The following CDKAL1 variants were observed in gnomAD, a reference collection of about 807,000 sequenced individuals.
CDKAL1 encodes the protein CDKAL1 threonylcarbamoyladenosine tRNA methylthiotransferase.
A neutral mutation model predicts 68.2 loss-of-function variants in CDKAL1; 32 were observed. The ratio of observed to expected loss-of-function variants is 0.47; its 90% CI spans 0.35 to 0.63. CDKAL1 has a LOEUF of 0.63. Among genes scored for constraint, CDKAL1 ranks in the 30% least tolerant of loss-of-function variants. CDKAL1 has a pLI of 0.00. For missense variants in CDKAL1, 606 were observed against 696.7 expected (o/e 0.87, Z 1.47); for synonymous variants, 234 against 244.3 (o/e 0.96, Z 0.39).
intron 10 of CDKAL1, among the ~76,000 whole-genome samples, chr6:20,982,497 T>G (rs1766208280): frequency 6.6e-6 from 1 of 152,020 alleles, no homozygotes; most frequent in Non-Finnish European, 1.5e-5. Flanking sequence ...CATTTGCTCA[T>G]TGGAAAGATC....
At chr6:20,557,103 C>T (rs1220581896) in intron 4 of CDKAL1, among the ~76,000 whole-genome samples, 1 of 147,348 alleles carries the variant, frequency 6.8e-6, no homozygotes, top group Non-Finnish European at 1.5e-5. Flanking sequence ...TAAATAAATA[C>T]ATAAATAAAT....
At chr6:21,093,926 C>G (rs1773190266) in intron 12 of CDKAL1, among the ~76,000 whole-genome samples, 1 of 126,372 alleles carries the variant, frequency 7.9e-6, no homozygotes, top group Non-Finnish European at 1.6e-5. Context: ...GAGACAGGGT[C>G]TTACTATCTT....
At chr6:21,209,332 G>A (rs539016779) in intron 15 of CDKAL1, among the ~76,000 whole-genome samples, 3 of 152,176 alleles carry the variant, frequency 2.0e-5, no homozygotes, top group African/African-American at 7.2e-5. Flanking sequence ...GACGTGGACC[G>A]ACTTCCCTAG....
chr6:20,732,679 C>T (rs75960628), intron 5 of CDKAL1, among the ~76,000 whole-genome samples: 3,168 of 152,158 alleles, frequency 0.021, 43 homozygotes, highest in Non-Finnish European at 0.034. Context: ...CCCTCTGATG[C>T]GTGTTTTATT....
At chr6:20,875,708 A>C (rs2150551616) in intron 9 of CDKAL1, among the ~76,000 whole-genome samples, 1 of 152,332 alleles carries the variant, frequency 6.6e-6, no homozygotes, top group East Asian at 1.9e-4. Context: ...AAAGCTATTT[A>C]ATAATCTTAC....
intron 11 of CDKAL1, among the ~76,000 whole-genome samples, chr6:21,050,409 T>C (rs1395134122): frequency 2.0e-5 from 3 of 152,218 alleles, no homozygotes; most frequent in African/African-American, 2.4e-5. Flanking sequence ...CGAGCTCTTG[T>C]ACTGCGCCCA....
chr6:20,886,857 A>G (rs182819422), intron 9 of CDKAL1, among the ~76,000 whole-genome samples: 343 of 152,346 alleles, frequency 2.3e-3, no homozygotes, highest in African/African-American at 8.0e-3. Context: ...TGTCCCAGAA[A>G]TGTAAAACAA....
At chr6:20,652,969 G>A (rs1343688604) in intron 5 of CDKAL1, among the ~76,000 whole-genome samples, 1 of 152,022 alleles carries the variant, frequency 6.6e-6, no homozygotes, top group African/African-American at 2.4e-5. Context: ...GTGTTGTCTT[G>A]TTTAGCCGTA....
intron 9 of CDKAL1, among the ~76,000 whole-genome samples, chr6:20,931,648 A>G (rs939236361): frequency 6.6e-6 from 1 of 152,190 alleles, no homozygotes; most frequent in Admixed American, 6.5e-5. Flanking sequence ...AAAATTTGGA[A>G]AACATTTGCC....
chr6:20,761,847 TG>T (rs764423633), intron 7 of CDKAL1, among the ~76,000 whole-genome samples: 2 of 152,158 alleles, frequency 1.3e-5, no homozygotes, highest in South Asian at 2.1e-4. Context: ...GGTGGACAAT[TG>T]TCATTATATA....
At chr6:21,207,969 C>T (rs1257510901) in intron 15 of CDKAL1, among the ~76,000 whole-genome samples, 9 of 151,780 alleles carry the variant, frequency 5.9e-5, no homozygotes, top group South Asian at 2.1e-4. Flanking sequence ...ACTACTACAG[C>T]GTTGGCCATT....
intron 4 of CDKAL1, among the ~76,000 whole-genome samples, chr6:20,611,878 C>G (rs908248103): frequency 3.9e-5 from 6 of 152,148 alleles, no homozygotes; most frequent in African/African-American, 9.7e-5. Flanking sequence ...TACCTATTAA[C>G]CAGTCTCTCG....
intron 5 of CDKAL1, among the ~76,000 whole-genome samples, chr6:20,736,888 A>T (rs561134144): frequency 6.6e-6 from 1 of 152,176 alleles, no homozygotes; most frequent in Non-Finnish European, 1.5e-5. Flanking sequence ...GGGCAAACAG[A>T]AGGGGAATGT....
intron 4 of CDKAL1, among the ~76,000 whole-genome samples, chr6:20,626,362 A>C (rs1000753504): frequency 3.3e-5 from 5 of 152,182 alleles, no homozygotes; most frequent in African/African-American, 1.2e-4. Flanking sequence ...TTCCCAGCAC[A>C]TAGTAGGTAC....
At chr6:20,605,909 C>A (rs189434065) in intron 4 of CDKAL1, among the ~76,000 whole-genome samples, 51 of 152,294 alleles carry the variant, frequency 3.3e-4, no homozygotes, top group Middle Eastern at 6.8e-3. Context: ...TGTAATTACT[C>A]CTCTCAAGTA....
chr6:21,125,859 T>C lies in CDKAL1; in HGVS notation c.1299+17396T>C, dbSNP rs972946712. ...TCTGGGGAGTTAGGTGTCCCTTTCA[T>C]GCGCTCCCACAATCTCTGTGCTTCC... On this transcript the variant is annotated intron_variant, in intron 13 of 15. Transcript: ENST00000274695. 3.3e-5 allele frequency among the ~76,000 whole-genome samples: 5 copies of C among 152,344 alleles called. No individual in the cohort carries two copies. In the East Asian group the frequency reaches 9.6e-4, roughly 29 times the overall value.
intron 9 of CDKAL1, among the ~76,000 whole-genome samples, chr6:20,942,363 A>G (rs1394980887): frequency 4.5e-5 from 4 of 89,668 alleles, no homozygotes; most frequent in Admixed American, 3.1e-4. Flanking sequence ...ATGTATATAT[A>G]TACTTTTTTT....
intron 13 of CDKAL1, among the ~76,000 whole-genome samples, chr6:21,193,340 C>T (rs955935079): frequency 2.0e-5 from 3 of 152,148 alleles, no homozygotes; most frequent in African/African-American, 7.2e-5. Flanking sequence ...GAGAGACAGG[C>T]TTGATTAGAG....
chr6:20,926,319 T>A (rs892425292), intron 9 of CDKAL1, among the ~76,000 whole-genome samples: 1 of 152,124 alleles, frequency 6.6e-6, no homozygotes, highest in Non-Finnish European at 1.5e-5. Context: ...ATGTTGATCT[T>A]GTAAGAGTTA....
Sources: allele counts gnomAD v4.1 joint callset (sites outside exome capture counted in the v4.1 genomes callset), GRCh38; gene constraint gnomAD v4.1.1; transcripts MANE v1.5; gene names NCBI Gene and HGNC (gene_info 2026-07-23, HGNC 2026-07-21).